Variants in ERICH1 observed in about 807,000 individuals in gnomAD.
ERICH1 encodes glutamate-rich protein 1.
In ERICH1, 56 loss-of-function variants were observed where a neutral mutation model predicts 39.6. The ratio of observed to expected loss-of-function variants is 1.41; its 90% CI spans 1.14 to 1.77. ERICH1 has a LOEUF of 1.77. Ranked by LOEUF, ERICH1 falls within the 40% of genes most tolerant of loss-of-function variation. ERICH1 has a pLI of 0.00. For synonymous variants in ERICH1, 313 were observed against 223.6 expected (o/e 1.40, Z -3.57); for missense variants, 826 against 575.4 (o/e 1.44, Z -4.45).
intron 3 of ERICH1, among the ~76,000 whole-genome samples, chr8:643,850 A>G (rs1464019770): frequency 6.6e-6 from 1 of 152,196 alleles, no homozygotes; most frequent in Non-Finnish European, 1.5e-5. Flanking sequence ...GTTTATAAGT[A>G]GATGCTAAAC....
At chr8:639,100 G>C (rs1413254335) in intron 3 of ERICH1, among the ~76,000 whole-genome samples, 6 of 152,144 alleles carry the variant, frequency 3.9e-5, no homozygotes, top group Non-Finnish European at 8.8e-5. Context: ...TGTCCCCAGC[G>C]TGGCCACCTG....
At chr8:668,913 G>A (rs778539169) in intron 4 of ERICH1, 121 bp from the exon 5 acceptor site, 127 of 866,088 alleles carry the variant, frequency 1.5e-4, no homozygotes, top group Non-Finnish European at 1.9e-4. Flanking sequence ...TGACATATCT[G>A]GGAGATGAGA....
intron 2 of ERICH1, among the ~76,000 whole-genome samples, chr8:700,419 CCGCAGACG>C (rs1811772644): frequency 1.0e-5 from 1 of 98,764 alleles, no homozygotes; most frequent in African/African-American, 3.7e-5. Flanking sequence ...GCGCACAGGC[CCGCAGACG>C]CGCACAGGCC....
chr8:712,873 A>T (rs539084882), intron 2 of ERICH1, among the ~76,000 whole-genome samples: 15 of 152,156 alleles, frequency 9.9e-5, no homozygotes, highest in Admixed American at 3.9e-4. Context: ...TTCTTTAAAA[A>T]CTTTGTTATA....
At chr8:665,271 G>C (rs28688648) in intron 5 of ERICH1, among the ~76,000 whole-genome samples, 1 of 151,874 alleles carries the variant, frequency 6.6e-6, no homozygotes, top group African/African-American at 2.4e-5. Context: ...CCCCGGCTCC[G>C]ACCTCTGAGC....
At chr8:700,470 A>ACCCGCACAGGCGCACAGG (rs1811803070) in intron 2 of ERICH1, among the ~76,000 whole-genome samples, 2 of 17,550 alleles carry the variant, frequency 1.1e-4, no homozygotes, top group African/African-American at 2.7e-4. Context: ...AGGCGCACAG[A>ACCCGCACAGGCGCACAGG]CCCGCACAGG....
intron 4 of ERICH1, among the ~76,000 whole-genome samples, chr8:670,381 C>A (rs150790377): frequency 1.3e-5 from 2 of 152,068 alleles, no homozygotes; most frequent in Non-Finnish European, 2.9e-5. Context: ...GTGGCATGCC[C>A]GGTAAACTGT....
At chr8:717,429 G>C (rs996084373) in intron 1 of ERICH1, among the ~76,000 whole-genome samples, 1 of 152,204 alleles carries the variant, frequency 6.6e-6, no homozygotes, top group East Asian at 1.9e-4. Context: ...CAGGTGGTCT[G>C]TGAAATGCTT....
intron 3 of ERICH1, among the ~76,000 whole-genome samples, chr8:653,866 G>A (rs150661433): frequency 0.012 from 1,582 of 131,992 alleles, 14 homozygotes; most frequent in Non-Finnish European, 0.015. Flanking sequence ...TGCCACATGC[G>A]CGCAGGGGAA....
At chr8:631,338 G>C (rs1798026145) in intron 3 of ERICH1, among the ~76,000 whole-genome samples, 1 of 152,236 alleles carries the variant, frequency 6.6e-6, no homozygotes, top group African/African-American at 2.4e-5. Flanking sequence ...CCAGTGAGGT[G>C]GTGAAGCTGA....
At chr8:690,095 G>C (rs998468393) in intron 3 of ERICH1, among the ~76,000 whole-genome samples, 3 of 152,198 alleles carry the variant, frequency 2.0e-5, no homozygotes, top group Non-Finnish European at 4.4e-5. Context: ...GTCAACAAGA[G>C]GAGGAGTACG....
At chr8:718,996 G>A (rs902001513) in intron 1 of ERICH1, among the ~76,000 whole-genome samples, 1 of 152,190 alleles carries the variant, frequency 6.6e-6, no homozygotes, top group African/African-American at 2.4e-5. Context: ...TGTGCGGTTT[G>A]TCAGTGCACA....
chr8:630,096 C>G (rs1197119011), intron 3 of ERICH1, among the ~76,000 whole-genome samples: 2 of 130,400 alleles, frequency 1.5e-5, no homozygotes, highest in South Asian at 2.6e-4. Context: ...ACAGACAGAG[C>G]TGACTCACAC....
At chr8:728,856 A>G (rs1819387903) in intron 1 of ERICH1, among the ~76,000 whole-genome samples, 1 of 152,234 alleles carries the variant, frequency 6.6e-6, no homozygotes, top group Non-Finnish European at 1.5e-5. Context: ...GAGTTTTGCT[A>G]CACATTGTTA....
intron 3 of ERICH1, among the ~76,000 whole-genome samples, chr8:634,963 G>A (rs1233824396): frequency 1.3e-5 from 2 of 152,320 alleles, no homozygotes; most frequent in South Asian, 2.1e-4. Context: ...GGGGAAGGAA[G>A]GAGGGAAAGG....
intron 3 of ERICH1, among the ~76,000 whole-genome samples, chr8:631,678 C>T (rs1319052191): frequency 6.6e-6 from 1 of 152,136 alleles, no homozygotes; most frequent in Non-Finnish European, 1.5e-5. Flanking sequence ...ACCACCAGAG[C>T]CCTTTTTCAG....
chr8:710,499 G>A lies in ERICH1; in HGVS notation c.169+5362C>T, dbSNP rs142827422. On this transcript the variant is annotated intron_variant, in intron 2 of 5. Coordinates refer to ENST00000262109, the MANE Select transcript of ERICH1 (RefSeq NM_207332.3). ...CTCCTTCCAGTCCTCGGCATCGTACGGGGCGGTTTCACCGTCCTGCAAGGC... is the reference window on the plus strand; with the variant it reads ...CTCCTTCCAGTCCTCGGCATCGTACAGGGCGGTTTCACCGTCCTGCAAGGC... Among the ~76,000 whole-genome samples, 1,072 of 138,078 alleles carry A rather than the reference G, an allele frequency of 7.8e-3. 10 individuals carry two copies. The highest frequency in any genetic ancestry group is 0.028 in the African/African-American group (1,022 of 36,664). The allele number at this position is 138,078 out of a possible 152,430, so 90.6% of individuals were successfully genotyped here.
chr8:715,788 C>A, intron 2 of ERICH1, 73 bp downstream of exon 2: 1 of 1,545,954 alleles, frequency 6.5e-7, no homozygotes, highest in Non-Finnish European at 8.7e-7. Context: ...AAGACACATT[C>A]TCCAAGGCAA....
intron 3 of ERICH1, among the ~76,000 whole-genome samples, chr8:630,020 G>T (rs1228202743): frequency 2.0e-4 from 24 of 122,758 alleles, no homozygotes; most frequent in Non-Finnish European, 2.6e-4. Context: ...AGACAAAGCT[G>T]ACTCACACCC....
Sources: gnomAD v4.1 joint callset for allele counts (sites outside exome capture counted in the v4.1 genomes callset) on GRCh38, gnomAD v4.1.1 for gene constraint, MANE v1.5 for transcripts, NCBI Gene and HGNC (gene_info 2026-07-23, HGNC 2026-07-21) for gene names.